Variants in ROBO1 observed in about 807,000 individuals in gnomAD.
ROBO1 encodes roundabout homolog 1.
ROBO1 carries 149 observed loss-of-function variants against 195.9 expected under a neutral mutation model. The observed-to-expected ratio is 0.76, with a 90% confidence interval of 0.67 to 0.87. The LOEUF is 0.87. Ranked by LOEUF, ROBO1 falls within the 40% of genes least tolerant of loss-of-function variation. The probability of loss-of-function intolerance (pLI) is 0.00; values close to 1 mark genes in which losing one functional copy is unlikely to be tolerated. For synonymous variants in ROBO1, 816 were observed against 733.2 expected, an observed-to-expected ratio of 1.11 and a Z score of -1.82; for missense variants, 1,933 against 2,068.3, an observed-to-expected ratio of 0.93 and a Z score of 1.27.
At chr3:78,993,974 T>A (rs916730396) in intron 3 of ROBO1, among the ~76,000 whole-genome samples, 11 of 151,816 alleles carry the variant, frequency 7.2e-5, no homozygotes, top group Admixed American at 4.6e-4. Context: ...ATGGTTATTT[T>A]ACTAGATACC....
intron 2 of ROBO1, among the ~76,000 whole-genome samples, chr3:79,476,094 T>C (rs371554820): frequency 1.2e-3 from 177 of 152,174 alleles, no homozygotes; most frequent in African/African-American, 3.4e-3. Context: ...AGGACATGTA[T>C]AGATAATTCT....
At chr3:79,739,468 T>A (rs2107410105) in intron 1 of ROBO1, among the ~76,000 whole-genome samples, 1 of 152,168 alleles carries the variant, frequency 6.6e-6, no homozygotes, top group South Asian at 2.1e-4. Flanking sequence ...TTAAGGGGAG[T>A]GCAAGTTTGG....
intron 1 of ROBO1, among the ~76,000 whole-genome samples, chr3:79,697,354 G>GA (rs1235694980): frequency 6.6e-6 from 1 of 151,328 alleles, no homozygotes; most frequent in African/African-American, 2.4e-5. Context: ...GAATATTTTA[G>GA]AAAAAAATTA....
intron 1 of ROBO1, among the ~76,000 whole-genome samples, chr3:79,691,459 A>G (rs1401414392): frequency 6.6e-6 from 1 of 151,372 alleles, no homozygotes; most frequent in Non-Finnish European, 1.5e-5. Flanking sequence ...CTGTATCTAT[A>G]TAATATATAT....
At chr3:78,679,851 C>G (rs1205092114) in intron 10 of ROBO1, among the ~76,000 whole-genome samples, 1 of 151,798 alleles carries the variant, frequency 6.6e-6, no homozygotes, top group Non-Finnish European at 1.5e-5. Context: ...CATATGGAAC[C>G]AAAAAAGAGC....
chr3:78,759,987 T>C (rs745822413), intron 4 of ROBO1, among the ~76,000 whole-genome samples: 1 of 152,176 alleles, frequency 6.6e-6, no homozygotes, highest in Admixed American at 6.5e-5. Flanking sequence ...TTTGACTGTA[T>C]TCCCACGTGT....
chr3:78,700,660 T>C (rs2081398234), intron 8 of ROBO1, among the ~76,000 whole-genome samples: 1 of 152,138 alleles, frequency 6.6e-6, no homozygotes, highest in Admixed American at 6.5e-5. Flanking sequence ...AATATCTCGA[T>C]TTTGCAAAAG....
intron 3 of ROBO1, among the ~76,000 whole-genome samples, chr3:79,075,005 A>G (rs905544512): frequency 3.3e-5 from 5 of 151,992 alleles, no homozygotes; most frequent in African/African-American, 4.8e-5. Context: ...CACAAGATAG[A>G]GGATATTAAT....
intron 4 of ROBO1, among the ~76,000 whole-genome samples, chr3:78,886,455 G>A (rs2036577574): frequency 1.3e-5 from 2 of 152,042 alleles, no homozygotes; most frequent in African/African-American, 4.8e-5. Context: ...CTACCCAGGT[G>A]TGTTGGCGCA....
intron 3 of ROBO1, among the ~76,000 whole-genome samples, chr3:79,060,951 G>T (rs1221035314): frequency 1.3e-5 from 2 of 152,142 alleles, no homozygotes; most frequent in African/African-American, 4.8e-5. Context: ...AGGCAAGGAT[G>T]CCCTCTCTCA....
At chr3:78,738,796 T>G (rs563343398) in intron 5 of ROBO1, among the ~76,000 whole-genome samples, 114 of 152,308 alleles carry the variant, frequency 7.5e-4, no homozygotes, top group Middle Eastern at 3.4e-3. Context: ...CTGTAAATTT[T>G]TTTTCTACCT....
chr3:78,893,474 G>C (rs970044669), intron 4 of ROBO1, among the ~76,000 whole-genome samples: 1 of 152,110 alleles, frequency 6.6e-6, no homozygotes, highest in Non-Finnish European at 1.5e-5. Flanking sequence ...CTCTTCAACT[G>C]TGAGAAATAA....
At chr3:79,394,764 G>A (rs989666029) in intron 2 of ROBO1, among the ~76,000 whole-genome samples, 1 of 152,112 alleles carries the variant, frequency 6.6e-6, no homozygotes, top group Non-Finnish European at 1.5e-5. Flanking sequence ...CTTTAAGGAT[G>A]TAAATAGGCA....
At chr3:79,420,659 A>G (rs2038186242) in intron 2 of ROBO1, among the ~76,000 whole-genome samples, 2 of 152,126 alleles carry the variant, frequency 1.3e-5, no homozygotes, top group African/African-American at 4.8e-5. Context: ...GTTTTGACCA[A>G]TAGAATGCAG....
At chr3:79,735,776 CAGG>C (rs1475479526) in intron 1 of ROBO1, among the ~76,000 whole-genome samples, 1 of 150,840 alleles carries the variant, frequency 6.6e-6, no homozygotes, top group South Asian at 2.1e-4. Context: ...GAGGCTGAGG[CAGG>C]AGAATTGATT....
chr3:79,681,145 A>G (rs924581484), intron 1 of ROBO1, among the ~76,000 whole-genome samples: 2 of 152,146 alleles, frequency 1.3e-5, no homozygotes, highest in African/African-American at 4.8e-5. Flanking sequence ...GACTAACATT[A>G]TGTAGGAGCT....
chr3:79,496,332 TA>T (rs368766438), intron 2 of ROBO1, among the ~76,000 whole-genome samples: 1,711 of 145,762 alleles, frequency 0.012, 41 homozygotes, highest in African/African-American at 0.041. Context: ...GATTTGACAA[TA>T]AAAAAAAACA....
intron 2 of ROBO1, among the ~76,000 whole-genome samples, chr3:79,337,022 A>G (rs894631284): frequency 6.6e-6 from 1 of 152,102 alleles, no homozygotes; most frequent in Non-Finnish European, 1.5e-5. Context: ...GTTTTGTCCA[A>G]TTTCTCCCAT....
chr3:79,660,799 A>C (rs1007811805), intron 1 of ROBO1, among the ~76,000 whole-genome samples: 15 of 152,114 alleles, frequency 9.9e-5, no homozygotes, highest in African/African-American at 3.6e-4. Context: ...CCTGAAAAGC[A>C]CAATGACCTT....
Sources: gnomAD v4.1 joint callset for allele counts (sites outside exome capture counted in the v4.1 genomes callset) on GRCh38, gnomAD v4.1.1 for gene constraint, MANE v1.5 for transcripts, NCBI Gene and HGNC (gene_info 2026-07-23, HGNC 2026-07-21) for gene names.